The following SNAP91 variants were observed in gnomAD, a reference collection of about 807,000 sequenced individuals.
The protein encoded by SNAP91 is synaptosome associated protein 91.
SNAP91 carries 27 observed loss-of-function variants against 100.3 expected under a neutral mutation model. The ratio of observed to expected loss-of-function variants is 0.27; its 90% CI spans 0.20 to 0.37. SNAP91 has a LOEUF of 0.37. Ranked by LOEUF, SNAP91 falls within the 10% of genes least tolerant of loss-of-function variation. The pLI, the probability that SNAP91 is intolerant of heterozygous loss-of-function variation, is 1.00. For missense variants in SNAP91, 986 were observed against 1,123.7 expected (o/e 0.88, Z 1.75); for synonymous variants, 404 against 398.6 (o/e 1.01, Z -0.16).
At position 83,611,823 on chromosome 6, in the gene SNAP91, A is replaced by AGTAGCTG. The variant is rs566147209; in HGVS notation, c.885-1153_885-1147dup. On this transcript the variant is annotated intron_variant, in intron 11 of 29. Coordinates refer to ENST00000369694, the MANE Select transcript of SNAP91 (RefSeq NM_001242792.2). ...GCCATTCTCCTGCCTCAGTCTCCCA[A>AGTAGCTG]GTAGCTGGGACTACAGGCGCCTGCC... Among the ~76,000 whole-genome samples, 491 of 149,168 alleles carry AGTAGCTG rather than the reference A, an allele frequency of 3.3e-3. 3 individuals are homozygous for AGTAGCTG. The highest frequency in any genetic ancestry group is 0.011 in the African/African-American group (450 of 40,214).
intron 8 of SNAP91, among the ~76,000 whole-genome samples, chr6:83,627,473 T>C (rs1230582849): frequency 1.3e-5 from 2 of 152,032 alleles, no homozygotes; most frequent in South Asian, 2.1e-4. Context: ...GTGAATCTAT[T>C]TGGTCCAAGG....
chr6:83,559,150 C>A (rs566043094), intron 28 of SNAP91, among the ~76,000 whole-genome samples: 2 of 152,214 alleles, frequency 1.3e-5, no homozygotes, highest in South Asian at 4.2e-4. Context: ...TTTATGCTAA[C>A]AAGGTGACTC....
chr6:83,612,710 T>C (rs1420376049), intron 11 of SNAP91, among the ~76,000 whole-genome samples: 2 of 151,878 alleles, frequency 1.3e-5, no homozygotes, highest in African/African-American at 4.8e-5. Flanking sequence ...ACCCTGTCTC[T>C]ACTAAAAATA....
chr6:83,670,305 C>G (rs968583935), intron 2 of SNAP91, among the ~76,000 whole-genome samples: 6 of 136,684 alleles, frequency 4.4e-5, no homozygotes. Context: ...TTTTTCTTTG[C>G]ATTTCCCTAA....
intron 9 of SNAP91, among the ~76,000 whole-genome samples, chr6:83,622,818 C>A (rs2096783498): frequency 6.6e-6 from 1 of 151,998 alleles, no homozygotes; most frequent in East Asian, 1.9e-4. Context: ...TTATTTTATA[C>A]ATGGACATTT....
intron 11 of SNAP91, among the ~76,000 whole-genome samples, chr6:83,613,330 G>A (rs978819126): frequency 3.9e-5 from 6 of 152,042 alleles, no homozygotes; most frequent in African/African-American, 1.4e-4. Context: ...GACATTTTCT[G>A]TATTATTTGA....
At chr6:83,601,687 G>T in intron 14 of SNAP91, 88 bp from the exon 15 acceptor site, 2 of 1,272,102 alleles carry the variant, frequency 1.6e-6, no homozygotes, top group South Asian at 1.3e-5. Context: ...GCCAGATAAG[G>T]CACTAACTAA....
intron 26 of SNAP91, among the ~76,000 whole-genome samples, chr6:83,570,439 A>G (rs749184473): frequency 1.3e-5 from 2 of 152,076 alleles, no homozygotes; most frequent in Admixed American, 6.6e-5. Context: ...ATAAATTTGC[A>G]TAAGTAACAA....
intron 2 of SNAP91, among the ~76,000 whole-genome samples, chr6:83,705,347 T>A (rs1195220973): frequency 6.6e-6 from 1 of 152,186 alleles, no homozygotes; most frequent in East Asian, 1.9e-4. Flanking sequence ...AAGACTGCAA[T>A]ATGTACGCGG....
chr6:83,662,382 T>C lies in SNAP91; in HGVS notation c.314A>G (p.Asn105Ser), dbSNP rs1206548109. The change falls in exon 4 of 30, where the codon AAT becomes AGT. Residue 105 changes from asparagine (N) to serine (S), a missense_variant. Physicochemically the swap from Asn to Ser is conservative, Grantham distance 46. Transcript: ENST00000369694. ...QYLASRNTLF[N>S]LSNFLDKSGS... ...ACTTTTGTCCAAAAAATTGCTGAGA[T>C]TGAATAGTGTATTTCTAGAAGCCAA... 8 of 1,429,728 alleles carry C rather than the reference T, an allele frequency of 5.6e-6. No individual in the cohort carries two copies. The highest frequency in any genetic ancestry group is 7.5e-6 in the Non-Finnish European group (8 of 1,071,764). 88.6% of individuals were successfully genotyped at this position (1,429,728 alleles called of 1,614,324 possible).
At chr6:83,698,513 T>C (rs962495023) in intron 2 of SNAP91, among the ~76,000 whole-genome samples, 1 of 152,046 alleles carries the variant, frequency 6.6e-6, no homozygotes, top group African/African-American at 2.4e-5. Flanking sequence ...AAGACCACCA[T>C]ATAAAGCTAG....
chr6:83,600,026 T>C (rs150541960), intron 16 of SNAP91, among the ~76,000 whole-genome samples: 12 of 152,180 alleles, frequency 7.9e-5, no homozygotes, highest in African/African-American at 2.9e-4. Flanking sequence ...CTCAAGCAAT[T>C]CTCCATCTTG....
chr6:83,627,381 G>C (rs933012371), intron 8 of SNAP91, among the ~76,000 whole-genome samples: 1 of 151,898 alleles, frequency 6.6e-6, no homozygotes, highest in Non-Finnish European at 1.5e-5. Flanking sequence ...AGTTAGGGAG[G>C]GATCCCTCCT....
rs768273687 is a variant in SNAP91 at position 83,601,438 on chromosome 6, T to C, written c.1157A>G (p.Asp386Gly). 1.9e-6 allele frequency: 3 copies of C among 1,613,450 alleles called. No homozygotes were observed. Among genetic ancestry groups the C allele is most frequent in the Admixed American group, 3.3e-5 (2 of 59,870 alleles). The change falls in exon 16 of 30, where the codon GAT becomes GGT. Residue 386 changes from aspartate to glycine, a missense_variant and splice_region_variant. Physicochemically the swap from Asp to Gly is moderately conservative, Grantham distance 94. Coordinates refer to ENST00000369694, the MANE Select transcript of SNAP91 (RefSeq NM_001242792.2). ...ATAWGDLLGE[D>G]SLAALSSVPS... The stretch of plus-strand genomic sequence containing the variant: ...AACAGAGGAAAGTGCAGCCAAAGAA[T>C]CTATATTTCACCAGAGACAGAGAGC...
In SNAP91 at chr6:83,553,700, TA is replaced by T. The variant is rs1773909504; in HGVS notation, c.*595del. The T allele has an allele frequency of 6.6e-6, 1 of 152,178 alleles. No homozygotes were observed. Among genetic ancestry groups the T allele is most frequent in the South Asian group, 2.1e-4 (1 of 4,836 alleles). 9.4% of individuals were successfully genotyped at this position (152,178 alleles called of 1,614,324 possible). A position where few individuals can be genotyped will look rare whatever the true frequency, so the allele number is the denominator to read the frequency against. On this transcript the variant is annotated 3_prime_UTR_variant, in exon 30 of 30. Coordinates refer to ENST00000369694, the MANE Select transcript of SNAP91 (RefSeq NM_001242792.2). ...TATTTATTATGGACGTTAACCTTTA[TA>T]TTTTTTAAAATAAAATTTCTTAACA...
At chr6:83,577,998 TC>T in intron 24 of SNAP91, among the ~76,000 whole-genome samples, 1 of 152,204 alleles carries the variant, frequency 6.6e-6, no homozygotes. Context: ...GCGACCGACT[TC>T]TTTCACTTGG....
rs764472498 is a variant in SNAP91 at position 83,601,284 on chromosome 6, C to T, written c.1311G>A (p.Val437=). ...AGACTAACTAACCTCCAAAGAGATC[C>T]ACTTCAGCAGTGACAGCAGTAACAG... ...TTTVTAVTAE[V]DLFGDAFAAS... is the part of the protein sequence containing the mutation. Residue 437 remains valine, a synonymous_variant, in exon 16 of 30, where the codon GTG becomes GTA. Transcript: ENST00000369694. The T allele has an allele frequency of 6.8e-6, 11 of 1,613,322 alleles. No individual in the cohort carries two copies. Among genetic ancestry groups the T allele is most frequent in the East Asian group, 2.2e-5 (1 of 44,868 alleles).
At chr6:83,604,854 A>T (rs906457950) in intron 14 of SNAP91, among the ~76,000 whole-genome samples, 1 of 152,134 alleles carries the variant, frequency 6.6e-6, no homozygotes, top group Non-Finnish European at 1.5e-5. Context: ...GTTCTTTGAG[A>T]CAGCTTTATC....
intron 9 of SNAP91, among the ~76,000 whole-genome samples, chr6:83,617,824 A>T (rs1225012675): frequency 6.6e-6 from 1 of 150,568 alleles, no homozygotes; most frequent in Non-Finnish European, 1.5e-5. Flanking sequence ...CTTAAGCATT[A>T]GAGATTTCAT....
Sources: gnomAD v4.1 joint callset for allele counts (sites outside exome capture counted in the v4.1 genomes callset) on GRCh38, gnomAD v4.1.1 for gene constraint, MANE v1.5 for transcripts, NCBI Gene and HGNC (gene_info 2026-07-23, HGNC 2026-07-21) for gene names.